GRIK1: variants seen among roughly 807,000 people sequenced by gnomAD.
GRIK1 encodes the protein glutamate receptor ionotropic, kainate 1.
GRIK1 carries 69 observed loss-of-function variants against 105.7 expected under a neutral mutation model. The ratio of observed to expected loss-of-function variants is 0.65; its 90% confidence interval spans 0.54 to 0.80. The LOEUF is 0.80. Among genes scored for constraint, GRIK1 ranks in the 30% least tolerant of loss-of-function variants. GRIK1 has a pLI of 0.00. For missense variants in GRIK1, 1,109 were observed against 1,167.3 expected, an observed-to-expected ratio of 0.95 and a Z score of 0.73; for synonymous variants, 438 against 431.3, an observed-to-expected ratio of 1.02 and a Z score of -0.19.
At position 29,937,658 on chromosome 21, in the gene GRIK1, TG is replaced by T. The variant is rs547850331; in HGVS notation, c.118+1724del. The stretch of plus-strand genomic sequence containing the variant: ...TTTGTTATACAGGGATGAGGAACAT[TG>T]GCTAGCACAGCCATTTCTAGCATCC... On this transcript the variant is annotated intron_variant, in intron 1 of 17. Transcript: ENST00000327783. Among the ~76,000 whole-genome samples the T allele has an allele frequency of 2.8e-4, 42 of 152,286 alleles. No individual in the cohort carries two copies. In the South Asian group the frequency reaches 8.7e-3, roughly 32 times the overall value.
intron 1 of GRIK1, among the ~76,000 whole-genome samples, chr21:29,885,407 C>T (rs1216968931): frequency 6.6e-6 from 1 of 151,960 alleles, no homozygotes; most frequent in African/African-American, 2.4e-5. Flanking sequence ...ATTATTTTTT[C>T]TTAACGTAAG....
In GRIK1 at chr21:29,591,244, A is replaced by G. The variant is rs374385534; in HGVS notation, c.1252-19T>C. 12 of 1,371,366 alleles carry G rather than the reference A, an allele frequency of 8.8e-6. No individual in the cohort carries two copies. The South Asian group carries it at 1.3e-4, about 15-fold the overall frequency. The allele number at this position is 1,371,366 out of a possible 1,614,324, so 84.9% of individuals were successfully genotyped here. ...TCCCAATCTACACAGAACACAGTAC[A>G]TCAGAGGCTGCTGGCTGTCAGTGTG... On this transcript the variant is annotated intron_variant, in intron 9 of 17. Transcript: ENST00000327783.
chr21:29,635,849 A>G (rs2062388226), intron 7 of GRIK1, among the ~76,000 whole-genome samples: 1 of 152,216 alleles, frequency 6.6e-6, no homozygotes, highest in African/African-American at 2.4e-5. Flanking sequence ...CAAGAGGCTG[A>G]GGAAACAGTG....
chr21:29,689,368 G>A (rs1601457281), intron 3 of GRIK1, among the ~76,000 whole-genome samples: 2 of 152,020 alleles, frequency 1.3e-5, no homozygotes, highest in South Asian at 4.1e-4. Context: ...TACTTATCAA[G>A]TTGGAATCAT....
chr21:29,560,364 T>TCTTTTTCTTTCTTCCTTCCTTCCTTC (rs2090394814), intron 15 of GRIK1, among the ~76,000 whole-genome samples: 3 of 35,886 alleles, frequency 8.4e-5, no homozygotes, highest in East Asian at 9.1e-4. Flanking sequence ...TCTTTTTCTT[T>TCTTTTTCTTTCTTCCTTCCTTCCTTC]CTTCCTTCCT....
intron 3 of GRIK1, among the ~76,000 whole-genome samples, chr21:29,687,421 G>A (rs1335794050): frequency 1.3e-5 from 2 of 152,114 alleles, no homozygotes; most frequent in African/African-American, 4.8e-5. Flanking sequence ...ACAGTCACAA[G>A]GCTTGTGCTT....
At chr21:29,541,627 T>C (rs2089974225) in intron 16 of GRIK1, among the ~76,000 whole-genome samples, 1 of 144,752 alleles carries the variant, frequency 6.9e-6, no homozygotes, top group Non-Finnish European at 1.5e-5. Context: ...AGGTTGATGG[T>C]TCTTTAATTT....
At chr21:29,925,749 T>C (rs2071348481) in intron 1 of GRIK1, among the ~76,000 whole-genome samples, 1 of 152,228 alleles carries the variant, frequency 6.6e-6, no homozygotes, top group Non-Finnish European at 1.5e-5. Flanking sequence ...TTGCATCTGA[T>C]ATAGGAGTGA....
chr21:29,729,824 C>T (rs1569023748), intron 1 of GRIK1, among the ~76,000 whole-genome samples: 1 of 152,194 alleles, frequency 6.6e-6, no homozygotes, highest in East Asian at 1.9e-4. Flanking sequence ...GAGTTTTCAT[C>T]CTAAACTTAA....
intron 4 of GRIK1, chr21:29,657,658 T>G (rs935253476): frequency 7.9e-5 from 12 of 152,220 alleles, no homozygotes; most frequent in African/African-American, 2.7e-4. Flanking sequence ...CTGTCAACTT[T>G]GTGGACACTC....
chr21:29,688,116 C>G (rs528730189), intron 3 of GRIK1, among the ~76,000 whole-genome samples: 2 of 152,222 alleles, frequency 1.3e-5, no homozygotes, highest in Non-Finnish European at 2.9e-5. Context: ...TATTCCTTCA[C>G]AGCAAGCAGG....
intron 14 of GRIK1, among the ~76,000 whole-genome samples, chr21:29,564,460 A>G (rs1459781160): frequency 1.3e-5 from 2 of 152,198 alleles, no homozygotes; most frequent in African/African-American, 2.4e-5. Flanking sequence ...CCACATTTAT[A>G]TTTTATTAAA....
At chr21:29,873,039 G>C (rs1364656493) in intron 1 of GRIK1, among the ~76,000 whole-genome samples, 1 of 152,128 alleles carries the variant, frequency 6.6e-6, no homozygotes, top group Non-Finnish European at 1.5e-5. Flanking sequence ...GTATGTTTAG[G>C]GACTTGTAAC....
At chr21:29,598,003 G>A (rs2061449197) in intron 8 of GRIK1, among the ~76,000 whole-genome samples, 1 of 152,074 alleles carries the variant, frequency 6.6e-6, no homozygotes, top group Non-Finnish European at 1.5e-5. Context: ...ATTCACTATA[G>A]TGGGAAAAAA....
At chr21:29,762,142 C>CA (rs2145698260) in intron 1 of GRIK1, among the ~76,000 whole-genome samples, 2 of 152,340 alleles carry the variant, frequency 1.3e-5, no homozygotes, top group South Asian at 4.1e-4. Flanking sequence ...TCAATGTTCA[C>CA]AGTTTCCTTC....
intron 1 of GRIK1, among the ~76,000 whole-genome samples, chr21:29,787,742 C>A (rs2066297526): frequency 6.6e-6 from 1 of 152,320 alleles, no homozygotes; most frequent in Non-Finnish European, 1.5e-5. Flanking sequence ...TAGGTCCATT[C>A]CAGTGTGATG....
At chr21:29,675,735 C>A (rs2063252629) in intron 3 of GRIK1, among the ~76,000 whole-genome samples, 2 of 152,064 alleles carry the variant, frequency 1.3e-5, no homozygotes, top group South Asian at 4.1e-4. Context: ...GCATCAATTA[C>A]CACTTAATTT....
At chr21:29,681,515 C>T (rs1184630849) in intron 3 of GRIK1, among the ~76,000 whole-genome samples, 1 of 152,186 alleles carries the variant, frequency 6.6e-6, no homozygotes, top group Non-Finnish European at 1.5e-5. Flanking sequence ...TTCTCTCTCA[C>T]AGAACGTGGT....
intron 1 of GRIK1, among the ~76,000 whole-genome samples, chr21:29,832,664 G>A (rs1385104464): frequency 6.6e-6 from 1 of 152,148 alleles, no homozygotes; most frequent in African/African-American, 2.4e-5. Flanking sequence ...GCGTTGTGAG[G>A]TTTTACAAGA....
Sources: gnomAD v4.1 joint callset for allele counts (sites outside exome capture counted in the v4.1 genomes callset) on GRCh38, gnomAD v4.1.1 for gene constraint, MANE v1.5 for transcripts, NCBI Gene and HGNC (gene_info 2026-07-23, HGNC 2026-07-21) for gene names.